SLAMF8: variants seen among roughly 807,000 people sequenced by gnomAD.
The protein encoded by SLAMF8 is SLAM family member 8.
SLAMF8 carries 23 observed loss-of-function variants against 29.0 expected under a neutral mutation model. The observed-to-expected ratio is 0.79, with a 90% CI of 0.57 to 1.13. SLAMF8 has a LOEUF of 1.13. Among genes scored for constraint, SLAMF8 ranks in the 50% most tolerant of loss-of-function variants. The pLI, the probability that SLAMF8 is intolerant of heterozygous loss-of-function variation, is 0.00. For missense variants in SLAMF8, 381 were observed against 353.1 expected (o/e 1.08, Z -0.63); for synonymous variants, 139 against 145.6 (o/e 0.96, Z 0.32).
chr1:159,835,289 T>A lies in SLAMF8; in HGVS notation c.*29T>A. 6.2e-7 allele frequency: 1 copy of A among 1,608,550 alleles called. No homozygotes were observed. The highest frequency in any genetic ancestry group is 8.5e-7 in the Non-Finnish European group (1 of 1,178,288). ...ACAATATGAACTGATGCCTGGACTATCAGTAACCCCACTGCACAGGCACAC... is the reference window on the plus strand; with the variant it reads ...ACAATATGAACTGATGCCTGGACTAACAGTAACCCCACTGCACAGGCACAC... On this transcript the variant is annotated 3_prime_UTR_variant, in exon 5 of 5. Coordinates refer to ENST00000289707, the MANE Select transcript of SLAMF8 (RefSeq NM_020125.3).
At position 159,836,710 on chromosome 1, in the gene SLAMF8, A is replaced by T; in HGVS notation, c.*1450A>T. 1.0e-6 allele frequency: 1 copy of T among 985,594 alleles called. No individual in the cohort carries two copies. The highest frequency in any genetic ancestry group is 1.2e-6 in the Non-Finnish European group (1 of 830,050). 61.1% of individuals were successfully genotyped at this position (985,594 alleles called of 1,614,324 possible). ...TTCACCTTGGACAAAGGATCAGCAC[A>T]GCTGGCCTCCAGATCCACATCACCA... On this transcript the variant is annotated 3_prime_UTR_variant, in exon 5 of 5. Transcript: ENST00000289707.
chr1:159,828,846 G>GT (rs913060764), intron 1 of SLAMF8, among the ~76,000 whole-genome samples: 12 of 90,812 alleles, frequency 1.3e-4, no homozygotes, highest in Admixed American at 4.2e-4. Flanking sequence ...AAAGGAGTCA[G>GT]GGGGGCACTT....
At chr1:159,831,221 C>G (rs1264353960) in intron 2 of SLAMF8, among the ~76,000 whole-genome samples, 1 of 152,084 alleles carries the variant, frequency 6.6e-6, no homozygotes, top group African/African-American at 2.4e-5. Flanking sequence ...GAGGGGAGTC[C>G]AGATTTAAGA....
chr1:159,836,560 G>T lies in SLAMF8; in HGVS notation c.*1300G>T. 4 of 985,462 alleles carry T rather than the reference G, an allele frequency of 4.1e-6. No individual in the cohort carries two copies. Among genetic ancestry groups the T allele is most frequent in the Non-Finnish European group, 4.8e-6 (4 of 829,938 alleles). 61.0% of individuals were successfully genotyped at this position (985,462 alleles called of 1,614,324 possible). On this transcript the variant is annotated 3_prime_UTR_variant, in exon 5 of 5. Transcript: ENST00000289707. ...TCCAGTCTTGATAACAGCGAGGAAAGAGGTATTGAAGAAACAGGGGTGGGT... is the reference window on the plus strand; with the variant it reads ...TCCAGTCTTGATAACAGCGAGGAAATAGGTATTGAAGAAACAGGGGTGGGT...
intron 1 of SLAMF8, among the ~76,000 whole-genome samples, chr1:159,828,849 G>A (rs1243051631): frequency 1.3e-5 from 2 of 152,014 alleles, no homozygotes; most frequent in African/African-American, 4.8e-5. Flanking sequence ...GGAGTCAGGG[G>A]GGCACTTCAA....
chr1:159,829,816 G>A (rs1215973228), intron 1 of SLAMF8, 50 bp from the exon 2 acceptor site: 1 of 1,537,662 alleles, frequency 6.5e-7, no homozygotes, highest in Non-Finnish European at 8.8e-7. Context: ...ATGCAAAGAA[G>A]GATGAGGAGT....
intron 4 of SLAMF8, 148 bp downstream of exon 4, chr1:159,833,517 C>G: frequency 8.5e-7 from 1 of 1,178,022 alleles, no homozygotes. Flanking sequence ...TAGCTCATAT[C>G]TTGGTTTACA....
intron 4 of SLAMF8, 138 bp downstream of exon 4, chr1:159,833,507 T>A: frequency 1.6e-6 from 2 of 1,238,658 alleles, no homozygotes; most frequent in Non-Finnish European, 2.2e-6. Flanking sequence ...TGGCCTTCTC[T>A]AGCTCATATC....
At chr1:159,831,817 T>A (rs2101791313) in intron 2 of SLAMF8, among the ~76,000 whole-genome samples, 1 of 152,360 alleles carries the variant, frequency 6.6e-6, no homozygotes, top group African/African-American at 2.4e-5. Flanking sequence ...GAAATGTCAA[T>A]GGGTGTTTCT....
intron 1 of SLAMF8, among the ~76,000 whole-genome samples, chr1:159,827,995 G>A (rs73030829): frequency 0.012 from 1,898 of 152,116 alleles, 44 homozygotes; most frequent in African/African-American, 0.043. Flanking sequence ...CACTAAACCC[G>A]GCTAATGTTT....
At position 159,830,211 on chromosome 1, in the gene SLAMF8, G is replaced by A. The variant is rs1486870726; in HGVS notation, c.367+19G>A. On this transcript the variant is annotated intron_variant, in intron 2 of 4. Coordinates refer to ENST00000289707, the MANE Select transcript of SLAMF8 (RefSeq NM_020125.3). Reference sequence around the variant, plus strand: ...GTGTACGGTGAGTGTGTCTGACACTGGCTGCCTGGCCCTCTTCCCCCACAA... The same window carrying A: ...GTGTACGGTGAGTGTGTCTGACACTAGCTGCCTGGCCCTCTTCCCCCACAA... The A allele has an allele frequency of 6.4e-7, 1 of 1,552,544 alleles. No homozygotes were observed. Among genetic ancestry groups the A allele is most frequent in the Non-Finnish European group, 8.7e-7 (1 of 1,145,910 alleles).
chr1:159,833,412 G>C (rs1258803579), intron 4 of SLAMF8, 43 bp downstream of exon 4: 3 of 1,613,038 alleles, frequency 1.9e-6, no homozygotes, highest in East Asian at 4.5e-5. Flanking sequence ...AGGAAGTGGA[G>C]TTCCTGGGGA....
intron 1 of SLAMF8, 40 bp from the exon 2 acceptor site, chr1:159,829,826 T>G: frequency 6.4e-7 from 1 of 1,554,036 alleles, no homozygotes; most frequent in Non-Finnish European, 8.7e-7. Context: ...GGATGAGGAG[T>G]GTGGGGCAGG....
intron 2 of SLAMF8, among the ~76,000 whole-genome samples, chr1:159,831,958 T>C (rs1647518399): frequency 1.3e-5 from 2 of 152,186 alleles, no homozygotes; most frequent in Non-Finnish European, 2.9e-5. Flanking sequence ...CCCACCAGAC[T>C]GAACTGGCAT....
At chr1:159,835,077 G>A in intron 4 of SLAMF8, 107 bp from the exon 5 acceptor site, 1 of 996,974 alleles carries the variant, frequency 1.0e-6, no homozygotes, top group Middle Eastern at 2.3e-4. Flanking sequence ...CTTTACCTAA[G>A]GTGACCTTGG....
intron 2 of SLAMF8, among the ~76,000 whole-genome samples, chr1:159,831,592 T>C (rs1571137630): frequency 6.6e-6 from 1 of 152,140 alleles, no homozygotes; most frequent in Non-Finnish European, 1.5e-5. Flanking sequence ...AATGAGGACA[T>C]TGAATGTGAT....
rs1003612308 is a variant in SLAMF8 at position 159,835,661 on chromosome 1, T to C, written c.*401T>C. On this transcript the variant is annotated 3_prime_UTR_variant, in exon 5 of 5. Transcript: ENST00000289707. ...TGCCTCCAGCCTGAGTCCTAGGCTC[T>C]AAAAGATATTACATATTTGAACTAA... 8 of 997,980 alleles carry C rather than the reference T, an allele frequency of 8.0e-6. No homozygotes were observed. Among genetic ancestry groups the C allele is most frequent in the Non-Finnish European group, 8.4e-6 (7 of 838,000 alleles). 61.8% of individuals were successfully genotyped at this position (997,980 alleles called of 1,614,324 possible).
At position 159,830,082 on chromosome 1, in the gene SLAMF8, T is replaced by C. The variant is rs1158846031; in HGVS notation, c.257T>C (p.Leu86Pro). 1 of 1,614,068 alleles carries C rather than the reference T, an allele frequency of 6.2e-7. No individual in the cohort carries two copies. The highest frequency in any genetic ancestry group is 8.5e-7 in the Non-Finnish European group (1 of 1,180,042). The change falls in exon 2 of 5, where the codon CTC (leucine) becomes CCC (proline). Residue 86 changes from leucine (L) to proline (P), a missense_variant. Physicochemically the swap from Leu to Pro is moderately conservative, Grantham distance 98 (BLOSUM62 -3). Transcript: ENST00000289707. ...FLGRAQLHSN[L>P]SLELGPLESG... Reference sequence around the variant, plus strand: ...GGCCGAGCCCAGCTACACAGCAACCTCAGCCTGGAGCTCGGGCCGCTGGAG... The same window carrying C: ...GGCCGAGCCCAGCTACACAGCAACCCCAGCCTGGAGCTCGGGCCGCTGGAG...
rs758663161 is a variant in SLAMF8 at position 159,830,167 on chromosome 1, C to A, written c.342C>A (p.Thr114=). 3 of 1,607,556 alleles carry A rather than the reference C, an allele frequency of 1.9e-6. No homozygotes were observed. In the Admixed American group the frequency reaches 5.0e-5, roughly 27 times the overall value. ...LMVDTRGQPW[T]QTLQLKVYDA... Reference sequence around the variant, plus strand: ...TGGACACAAGGGGCCAGCCCTGGACCCAGACCCTCCAGCTCAAGGTGTACG... The same window carrying A: ...TGGACACAAGGGGCCAGCCCTGGACACAGACCCTCCAGCTCAAGGTGTACG... Residue 114 remains threonine, a synonymous_variant, in exon 2 of 5, where the codon ACC becomes ACA. Transcript: ENST00000289707.
Sources: allele counts gnomAD v4.1 joint callset (sites outside exome capture counted in the v4.1 genomes callset), GRCh38; gene constraint gnomAD v4.1.1; transcripts MANE v1.5; gene names NCBI Gene and HGNC (gene_info 2026-07-23, HGNC 2026-07-21).